The following CCNT2 variants were observed in gnomAD, a reference collection of about 807,000 sequenced individuals.
CCNT2 encodes cyclin-T2.
Under a neutral mutation model 70.0 loss-of-function variants are expected in CCNT2, and 18 were observed. The ratio of observed to expected loss-of-function variants is 0.26; its 90% CI spans 0.18 to 0.38. CCNT2 has a LOEUF of 0.38. CCNT2 is among the 10% of genes least tolerant of loss of function. The pLI is 1.00. For synonymous variants in CCNT2, 334 were observed against 313.3 expected (o/e 1.07, Z -0.70); for missense variants, 734 against 890.2 (o/e 0.82, Z 2.23).
intron 2 of CCNT2, chr2:134,920,437 C>T (rs894847812): frequency 6.6e-6 from 1 of 152,248 alleles, no homozygotes; most frequent in Non-Finnish European, 1.5e-5. Context: ...TTGGGTGATT[C>T]AAACGTCCAC....
chr2:134,952,577 C>T, intron 7 of CCNT2, 64 bp from the exon 8 acceptor site: 3 of 923,084 alleles, frequency 3.2e-6, no homozygotes, highest in Non-Finnish European at 5.1e-6. Context: ...TAATACTGCC[C>T]ACTTAAGAGA....
At chr2:134,944,294 T>C in intron 5 of CCNT2, 1 of 983,088 alleles carries the variant, frequency 1.0e-6, no homozygotes, top group Non-Finnish European at 1.2e-6. Context: ...TTTGTAAGCA[T>C]TGTAGCCATA....
chr2:134,926,321 GTTATT>G (rs953640608), intron 2 of CCNT2, among the ~76,000 whole-genome samples: 1 of 152,096 alleles, frequency 6.6e-6, no homozygotes, highest in Non-Finnish European at 1.5e-5. Context: ...TCCCTTTTCT[GTTATT>G]TTGTGTAATG....
chr2:134,947,798 A>G lies in CCNT2; in HGVS notation c.602A>G (p.His201Arg). The change falls in exon 7 of 9, where the codon CAT becomes CGT. Residue 201 changes from histidine (H) to arginine (R), a missense_variant. Physicochemically the swap from His to Arg is conservative, Grantham distance 29 (BLOSUM62 0). Transcript: ENST00000264157. The part of the protein sequence containing the change: ...KPTVIACVCI[H>R]LACKWSNWEI... ...ACAGTGATAGCATGTGTATGCATTC[A>G]TTTGGCTTGCAAATGGTCCAATTGG... The G allele has an allele frequency of 6.4e-7, 1 of 1,564,604 alleles. No individual in the cohort carries two copies. Among genetic ancestry groups the G allele is most frequent in the East Asian group, 2.3e-5 (1 of 44,266 alleles).
At chr2:134,940,935 G>A (rs1282437694) in intron 4 of CCNT2, among the ~76,000 whole-genome samples, 6 of 152,184 alleles carry the variant, frequency 3.9e-5, no homozygotes, top group Non-Finnish European at 8.8e-5. Context: ...CCAGTGTAAG[G>A]TTCAGTGTGA....
intron 2 of CCNT2, among the ~76,000 whole-genome samples, chr2:134,921,822 A>G (rs567175530): frequency 1.3e-5 from 2 of 152,342 alleles, no homozygotes; most frequent in South Asian, 4.1e-4. Context: ...AAAAAGGCCA[A>G]GGTATTAATT....
intron 2 of CCNT2, among the ~76,000 whole-genome samples, chr2:134,931,259 G>C (rs914143268): frequency 1.9e-5 from 1 of 51,830 alleles, no homozygotes; most frequent in Non-Finnish European, 3.5e-5. Context: ...ACCATGCCCG[G>C]ATCTTTTTTT....
intron 1 of CCNT2, 29 bp from the exon 2 acceptor site, chr2:134,919,781 T>G: frequency 6.5e-7 from 1 of 1,542,814 alleles, no homozygotes; most frequent in Non-Finnish European, 8.9e-7. Flanking sequence ...CTTGCTTTTG[T>G]CAGATATTTC....
chr2:134,937,062 GC>G, intron 3 of CCNT2, 93 bp downstream of exon 3: 1 of 825,448 alleles, frequency 1.2e-6, no homozygotes, highest in Non-Finnish European at 1.9e-6. Flanking sequence ...AATTAGTGGT[GC>G]CTTCCAAATG....
chr2:134,938,019 G>T (rs544820718), intron 3 of CCNT2, among the ~76,000 whole-genome samples: 1 of 152,146 alleles, frequency 6.6e-6, no homozygotes, highest in African/African-American at 2.4e-5. Context: ...ATTAATTTAA[G>T]CTTCAATGGA....
At chr2:134,919,079 C>T (rs927233334) in intron 1 of CCNT2, 67 bp downstream of exon 1, 2 of 1,494,492 alleles carry the variant, frequency 1.3e-6, no homozygotes, top group Admixed American at 2.2e-5. Flanking sequence ...CCTGGTGCCC[C>T]GCGAACATGG....
intron 5 of CCNT2, chr2:134,943,642 G>A (rs752448914): frequency 3.2e-5 from 31 of 980,954 alleles, no homozygotes; most frequent in Non-Finnish European, 3.6e-5. Context: ...GTATCTGGTA[G>A]TATCTGATAC....
intron 6 of CCNT2, 186 bp downstream of exon 6, chr2:134,946,332 C>A: frequency 8.3e-7 from 1 of 1,208,122 alleles, no homozygotes; most frequent in Non-Finnish European, 1.1e-6. Flanking sequence ...GGGTTAAATG[C>A]ACAATGTGAA....
Position 134,957,638 on chromosome 2 carries a change from C to T in CCNT2, c.*2990C>T, listed in dbSNP as rs967838391. ...CATTCTTAGAGGCCTACTTAACGGG[C>T]GGCAGTATCCGGTAGTGGTAAAACC... On this transcript the variant is annotated 3_prime_UTR_variant, in exon 9 of 9. Coordinates refer to ENST00000264157, the MANE Select transcript of CCNT2 (RefSeq NM_058241.3). 2.0e-5 allele frequency: 3 copies of T among 152,152 alleles called. No individual in the cohort carries two copies. The highest frequency in any genetic ancestry group is 2.4e-5 in the African/African-American group (1 of 41,438). The allele number at this position is 152,152 out of a possible 1,614,324, so 9.4% of individuals were successfully genotyped here.
intron 5 of CCNT2, chr2:134,943,772 A>C (rs972624220): frequency 3.9e-5 from 38 of 985,112 alleles, no homozygotes; most frequent in Non-Finnish European, 7.2e-6. Context: ...TCAAGTGTTA[A>C]TGTATTCATA....
chr2:134,929,710 T>G (rs1022349732), intron 2 of CCNT2, among the ~76,000 whole-genome samples: 1 of 147,838 alleles, frequency 6.8e-6, no homozygotes, highest in Non-Finnish European at 1.5e-5. Flanking sequence ...AGTGCAGTGG[T>G]GCAATCTCAG....
At chr2:134,944,660 T>C (rs1681817283) in intron 5 of CCNT2, 2 of 981,942 alleles carry the variant, frequency 2.0e-6, no homozygotes, top group Non-Finnish European at 2.4e-6. Flanking sequence ...ACAAACCATA[T>C]ATATGTTTAA....
Position 134,958,690 on chromosome 2 carries a change from A to G in CCNT2, c.*4042A>G, listed in dbSNP as rs45490697. 3 of 152,216 alleles carry G rather than the reference A, an allele frequency of 2.0e-5. No individual in the cohort carries two copies. The highest frequency in any genetic ancestry group is 7.2e-5 in the African/African-American group (3 of 41,456). 9.4% of individuals were successfully genotyped at this position (152,216 alleles called of 1,614,324 possible). On this transcript the variant is annotated 3_prime_UTR_variant, in exon 9 of 9. Coordinates refer to ENST00000264157, the MANE Select transcript of CCNT2 (RefSeq NM_058241.3). ...TTGCTTTTGTTAGTTTCCCTGGAGC[A>G]TCTATTTTTGTAATACATTTTGCCA... is the stretch of plus-strand genomic sequence containing the variant.
At chr2:134,943,129 G>T (rs995246237) in intron 5 of CCNT2, 1 of 982,168 alleles carries the variant, frequency 1.0e-6, no homozygotes, top group Non-Finnish European at 1.2e-6. Context: ...TTGTCAGTAC[G>T]GTGGCTCCCA....
Sources: gnomAD v4.1 joint callset for allele counts (sites outside exome capture counted in the v4.1 genomes callset) on GRCh38, gnomAD v4.1.1 for gene constraint, MANE v1.5 for transcripts, NCBI Gene and HGNC (gene_info 2026-07-23, HGNC 2026-07-21) for gene names.